The following CDKL4 variants were observed in gnomAD, a reference collection of about 807,000 sequenced individuals.
CDKL4 encodes cyclin-dependent kinase-like 4.
Under a neutral mutation model 42.0 loss-of-function variants are expected in CDKL4, and 44 were observed. That is an observed-to-expected ratio of 1.05 (90% CI 0.82 to 1.35). CDKL4 has a LOEUF of 1.35. CDKL4 is among the 40% of genes most tolerant of loss of function. CDKL4 has a pLI of 0.00. For synonymous variants in CDKL4, 120 were observed against 121.6 expected (o/e 0.99, Z 0.09); for missense variants, 393 against 369.9 (o/e 1.06, Z -0.51).
chr2:39,228,475 T>C (rs1263358879), intron 2 of CDKL4, among the ~76,000 whole-genome samples: 1 of 152,194 alleles, frequency 6.6e-6, no homozygotes, highest in African/African-American at 2.4e-5. Context: ...AAACTGAATT[T>C]CTGGGGATTT....
intron 5 of CDKL4, among the ~76,000 whole-genome samples, chr2:39,197,915 A>G (rs1430184953): frequency 1.3e-5 from 2 of 150,328 alleles, no homozygotes; most frequent in African/African-American, 5.0e-5. Flanking sequence ...AGGACCTATA[A>G]AACAGCAACA....
At chr2:39,207,832 T>G (rs1378825866) in intron 4 of CDKL4, among the ~76,000 whole-genome samples, 1 of 152,242 alleles carries the variant, frequency 6.6e-6, no homozygotes, top group African/African-American at 2.4e-5. Flanking sequence ...CTGGGCGTGG[T>G]GGCTCATGCC....
chr2:39,202,012 A>G (rs184402648), intron 5 of CDKL4, among the ~76,000 whole-genome samples: 1 of 152,190 alleles, frequency 6.6e-6, no homozygotes, highest in East Asian at 1.9e-4. Context: ...CAGGCAGATG[A>G]CTTGAGCTCA....
At chr2:39,229,387 A>G in exon 2 of CDKL4, 1 of 1,602,474 alleles carries the variant, frequency 6.2e-7, no homozygotes. Context: ...TATTTCTCTT[A>G]GTGCTATTTT....
intron 5 of CDKL4, among the ~76,000 whole-genome samples, chr2:39,195,641 ATTT>A (rs770948985): frequency 3.0e-5 from 4 of 131,410 alleles, no homozygotes; most frequent in South Asian, 2.4e-4. Context: ...TTTTTAATTA[ATTT>A]TTTTTTTTTT....
At chr2:39,210,744 T>C (rs1280514401) in intron 4 of CDKL4, among the ~76,000 whole-genome samples, 2 of 152,188 alleles carry the variant, frequency 1.3e-5, no homozygotes, top group African/African-American at 4.8e-5. Context: ...ATATCTCCTA[T>C]AGCATGGTGG....
chr2:39,176,355 A>C (rs1050802763), intron 9 of CDKL4, among the ~76,000 whole-genome samples: 1 of 152,198 alleles, frequency 6.6e-6, no homozygotes, highest in South Asian at 2.1e-4. Context: ...GTATCTAGTC[A>C]ATACTTAAAA....
intron 1 of CDKL4, among the ~76,000 whole-genome samples, chr2:39,235,666 G>C (rs899128572): frequency 2.0e-5 from 3 of 152,154 alleles, no homozygotes; most frequent in South Asian, 2.1e-4. Flanking sequence ...AGGATGGTTT[G>C]AGCCTGGGAG....
intron 1 of CDKL4, among the ~76,000 whole-genome samples, chr2:39,237,360 A>G (rs1470967693): frequency 2.6e-5 from 4 of 152,252 alleles, no homozygotes; most frequent in Non-Finnish European, 5.9e-5. Flanking sequence ...ACACTCATTC[A>G]TGATGAATAC....
Position 39,220,995 on chromosome 2 carries a change from T to TG in CDKL4, c.290+4843_290+4844insC, listed in dbSNP as rs1279084374. Among the ~76,000 whole-genome samples the TG allele has an allele frequency of 1.4e-3, 81 of 57,160 alleles. 2 individuals carry two copies. Among genetic ancestry groups the TG allele is most frequent in the East Asian group, 6.5e-3 (11 of 1,680 alleles). 37.5% of individuals were successfully genotyped at this position (57,160 alleles called of 152,430 possible). A position where few individuals can be genotyped will look rare whatever the true frequency, so the allele number is the denominator to read the frequency against. The stretch of plus-strand genomic sequence containing the variant: ...GACGATCTTTTTTTTTTTTTTTTTT[T>TG]TTTTTGTTTTTTTTTTTGTTTTGTT... On this transcript the variant is annotated intron_variant, in intron 3 of 9. Coordinates refer to ENST00000451199, the Ensembl canonical transcript of CDKL4.
chr2:39,199,015 C>T (rs1676687210), intron 5 of CDKL4, among the ~76,000 whole-genome samples: 1 of 150,934 alleles, frequency 6.6e-6, no homozygotes, highest in Admixed American at 6.6e-5. Context: ...ATTGAAACAA[C>T]AAAAAAAACC....
intron 8 of CDKL4, among the ~76,000 whole-genome samples, chr2:39,184,039 T>A (rs1163708415): frequency 6.6e-6 from 1 of 152,204 alleles, no homozygotes; most frequent in African/African-American, 2.4e-5. Flanking sequence ...TCATGAAAAT[T>A]CCCCTTCTGA....
At chr2:39,180,074 C>T (rs1459925561) in intron 8 of CDKL4, among the ~76,000 whole-genome samples, 3 of 152,118 alleles carry the variant, frequency 2.0e-5, no homozygotes, top group African/African-American at 7.2e-5. Flanking sequence ...GACAGTGGGA[C>T]TTTGCCCATC....
chr2:39,207,692 A>G (rs1212882959), intron 4 of CDKL4, among the ~76,000 whole-genome samples: 1 of 152,248 alleles, frequency 6.6e-6, no homozygotes, highest in African/African-American at 2.4e-5. Context: ...ATACAAAAGG[A>G]AATGAAGTAT....
At chr2:39,178,696 TC>T in intron 9 of CDKL4, 1 of 1,609,426 alleles carries the variant, frequency 6.2e-7, no homozygotes, top group Non-Finnish European at 8.5e-7. Flanking sequence ...TGGGTTTCAT[TC>T]CTTTGTACCT....
At chr2:39,240,264 A>G (rs1368080915) in intron 1 of CDKL4, among the ~76,000 whole-genome samples, 1 of 151,332 alleles carries the variant, frequency 6.6e-6, no homozygotes, top group East Asian at 1.9e-4. Context: ...AAAATAAAAT[A>G]AAATAAAATA....
At chr2:39,179,464 T>C (rs1675314464) in intron 8 of CDKL4, 143 bp from the exon 9 acceptor site, 6 of 611,834 alleles carry the variant, frequency 9.8e-6, no homozygotes, top group Admixed American at 3.6e-5. Flanking sequence ...TGGAGCTTGC[T>C]AATAGCTAGG....
intron 5 of CDKL4, among the ~76,000 whole-genome samples, chr2:39,196,424 T>C (rs1400287473): frequency 6.6e-6 from 1 of 151,810 alleles, no homozygotes; most frequent in Non-Finnish European, 1.5e-5. Flanking sequence ...GAAATAACAA[T>C]CAATGCAGTT....
intron 1 of CDKL4, among the ~76,000 whole-genome samples, chr2:39,230,993 T>A (rs1679064147): frequency 6.6e-6 from 1 of 152,148 alleles, no homozygotes; most frequent in Non-Finnish European, 1.5e-5. Context: ...GTGGATCACC[T>A]GAGGTCAGGA....
Sources: gnomAD v4.1 joint callset for allele counts (sites outside exome capture counted in the v4.1 genomes callset) on GRCh38, gnomAD v4.1.1 for gene constraint, MANE v1.5 for transcripts, NCBI Gene and HGNC (gene_info 2026-07-23, HGNC 2026-07-21) for gene names.